Variants in LRRC43 observed in about 807,000 individuals in gnomAD.
The protein encoded by LRRC43 is leucine rich repeat containing 43.
Under a neutral mutation model 64.3 loss-of-function variants are expected in LRRC43, and 62 were observed. The ratio of observed to expected loss-of-function variants is 0.96; its 90% CI spans 0.79 to 1.19. LRRC43 has a LOEUF of 1.19. Among genes scored for constraint, LRRC43 ranks in the 50% most tolerant of loss-of-function variants. The pLI, the probability that LRRC43 is intolerant of heterozygous loss-of-function variation, is 0.00. For missense variants in LRRC43, 868 were observed against 845.0 expected (o/e 1.03, Z -0.34); for synonymous variants, 422 against 382.3 (o/e 1.10, Z -1.21).
chr12:122,170,275 G>C (rs1418480481), intron 1 of LRRC43, among the ~76,000 whole-genome samples: 1 of 152,126 alleles, frequency 6.6e-6, no homozygotes, highest in African/African-American at 2.4e-5. Flanking sequence ...CACCACACTG[G>C]ATATTTTCTG....
chr12:122,193,379 C>G (rs1953742700), intron 7 of LRRC43, among the ~76,000 whole-genome samples: 1 of 44,046 alleles, frequency 2.3e-5, no homozygotes, highest in Non-Finnish European at 3.8e-5. Flanking sequence ...GACTCCGTCT[C>G]ATAAAAAAAA....
At chr12:122,203,271 C>T (rs1280791070) in intron 11 of LRRC43, 44 bp from the exon 12 acceptor site, 2 of 1,597,176 alleles carry the variant, frequency 1.3e-6, no homozygotes, top group East Asian at 4.5e-5. Context: ...GAACGCCAGC[C>T]CATCCGTCTC....
rs758138418 is a variant in LRRC43, at chr12:122,183,190, G to T, written c.46G>T (p.Gly16Trp). 1.3e-6 allele frequency: 2 copies of T among 1,561,600 alleles called. No homozygotes were observed. Among genetic ancestry groups the T allele is most frequent in the South Asian group, 2.3e-5 (2 of 86,276 alleles). The change falls in exon 1 of 12, where the codon GGG (glycine) becomes TGG (tryptophan). Residue 16 changes from glycine (G) to tryptophan (W), a missense_variant. Coordinates refer to ENST00000339777, the MANE Select transcript of LRRC43 (RefSeq NM_001098519.2). Reference sequence around the variant, plus strand: ...CGAGTCCGAGTCCGAGTCTGAGGCCGGGCCTGGGACTCAGCGGCCCGGGAC... The same window carrying T: ...CGAGTCCGAGTCCGAGTCTGAGGCCTGGCCTGGGACTCAGCGGCCCGGGAC... ...ESESESESEA[G>W]PGTQRPGTGT... is the part of the protein sequence containing the mutation.
intron 6 of LRRC43, 66 bp downstream of exon 6, chr12:122,191,633 C>T: frequency 8.2e-7 from 1 of 1,223,626 alleles, no homozygotes; most frequent in Non-Finnish European, 1.1e-6. Flanking sequence ...TTTGTGGGCC[C>T]CAGGAAAATC....
rs145749083 is a variant in LRRC43 at position 122,184,046 on chromosome 12, A to G, written c.151-473A>G. On this transcript the variant is annotated intron_variant, in intron 1 of 11. Transcript: ENST00000339777. This position sits in a 1 kb window ranked among gnomAD's most constrained non-coding sequence, Gnocchi z 4.0. ...TTTGTATCTCACCTCATCTGTAGTT[A>G]TATCCATGGCTAATAATCCATCAAA... Among the ~76,000 whole-genome samples, 16 of 151,642 alleles carry G rather than the reference A, an allele frequency of 1.1e-4. No individual in the cohort carries two copies. The highest frequency in any genetic ancestry group is 2.9e-4 in the African/African-American group (12 of 41,294).
At position 122,192,752 on chromosome 12, in the gene LRRC43, A is replaced by G; in HGVS notation, c.1097A>G (p.Lys366Arg). 6.2e-7 allele frequency: 1 copy of G among 1,613,258 alleles called. No homozygotes were observed. Among genetic ancestry groups the G allele is most frequent in the Non-Finnish European group, 8.5e-7 (1 of 1,179,238 alleles). ...ESAGVLAEIV[K>R]PSPSLELLVE... ...TTCTGTCTCTTCCTGCAGATCGTCAAGCCCTCTCCCAGCTTAGAATTATTA... is the reference window on the plus strand; with the variant it reads ...TTCTGTCTCTTCCTGCAGATCGTCAGGCCCTCTCCCAGCTTAGAATTATTA... Residue 366 changes from lysine (K) to arginine (R), a missense_variant, in exon 7 of 12, where the codon AAG (lysine) becomes AGG (arginine). Lys to Arg is a conservative substitution (Grantham distance 26). Transcript: ENST00000339777.
chr12:122,190,659 T>C (rs978777066), intron 5 of LRRC43, among the ~76,000 whole-genome samples: 2 of 151,958 alleles, frequency 1.3e-5, no homozygotes, highest in African/African-American at 4.8e-5. Context: ...AGTCAGGAGT[T>C]TGAGACCAGC....
rs1242658505 is a variant in LRRC43, at chr12:122,185,873, G to A, written c.412-317G>A. On this transcript the variant is annotated intron_variant, in intron 2 of 11. Coordinates refer to ENST00000339777, the MANE Select transcript of LRRC43 (RefSeq NM_001098519.2). ...ACCTTGACTGACTTCAGTGCCCAGA[G>A]TTCACTGTGGCTCTGGGGTAGACAG... 2.0e-5 allele frequency among the ~76,000 whole-genome samples: 3 copies of A among 152,210 alleles called. 1 individual carries two copies. In the South Asian group the frequency reaches 6.2e-4, roughly 32 times the overall value.
chr12:122,198,375 A>T (rs1253401420), intron 7 of LRRC43, among the ~76,000 whole-genome samples: 1 of 152,086 alleles, frequency 6.6e-6, no homozygotes, highest in Non-Finnish European at 1.5e-5. Context: ...AACCATTACC[A>T]CAGTCTAATT....
chr12:122,191,022 T>A (rs1388673786), intron 5 of LRRC43, among the ~76,000 whole-genome samples: 1 of 152,144 alleles, frequency 6.6e-6, no homozygotes, highest in Non-Finnish European at 1.5e-5. Context: ...GTTATTTCAA[T>A]CAGCTTCTTC....
rs764707578 is a variant in LRRC43, at chr12:122,191,594, A to G, written c.1089+27A>G. 7.6e-6 allele frequency: 12 copies of G among 1,584,662 alleles called. No individual in the cohort carries two copies. In the African/African-American group the frequency reaches 1.5e-4, roughly 20 times the overall value. On this transcript the variant is annotated intron_variant, in intron 6 of 11. Transcript: ENST00000339777. Reference sequence around the variant, plus strand: ...TGTGCCCTGGTCTGTCCCTAGGAGTATGGGGGGCTCTTGTGAAGGCTGAAC... The same window carrying G: ...TGTGCCCTGGTCTGTCCCTAGGAGTGTGGGGGGCTCTTGTGAAGGCTGAAC...
intron 1 of LRRC43, chr12:122,173,894 G>A: frequency 6.2e-7 from 1 of 1,614,094 alleles, no homozygotes; most frequent in Non-Finnish European, 8.5e-7. Context: ...ACTATTTTCT[G>A]TACATCATCA....
chr12:122,196,689 A>G (rs1330588524), intron 7 of LRRC43, among the ~76,000 whole-genome samples: 2 of 152,120 alleles, frequency 1.3e-5, no homozygotes, highest in Non-Finnish European at 2.9e-5. Context: ...GAATCACTGG[A>G]ACCCGGAAGG....
rs61745357 is a variant in LRRC43 at position 122,187,715 on chromosome 12, C to T, written c.537C>T (p.Tyr179=). Residue 179 remains tyrosine (Y), a synonymous_variant, in exon 4 of 12, where the codon TAC becomes TAT. Coordinates refer to ENST00000339777, the MANE Select transcript of LRRC43 (RefSeq NM_001098519.2). ...LPPTLKVLEL[Y]GNEISSMECL... ...TGGTCTCCCAGGTGCTGGAGCTCTA[C>T]GGCAATGAGATCAGCAGCATGGAGT... 1,242 of 1,613,666 alleles carry T rather than the reference C, an allele frequency of 7.7e-4. 1 individual carries two copies. The highest frequency in any genetic ancestry group is 9.3e-4 in the Non-Finnish European group (1,097 of 1,180,014).
rs1239028369 is a variant in LRRC43, at chr12:122,184,163, C to T, written c.151-356C>T. 1.3e-5 allele frequency among the ~76,000 whole-genome samples: 2 copies of T among 150,202 alleles called. No homozygotes were observed. The highest frequency in any genetic ancestry group is 2.5e-5 in the African/African-American group (1 of 40,696). ...AGCCTGGAGTGCAGTGGCGTGATCT[C>T]GGCTCACTGCAACCTCCGCCTCCCG... On this transcript the variant is annotated intron_variant, in intron 1 of 11. Transcript: ENST00000339777. This position sits in a 1 kb window ranked among gnomAD's most constrained non-coding sequence, Gnocchi z 4.0.
upstream of LRRC43, among the ~76,000 whole-genome samples, chr12:122,178,935 G>A (rs7308883): frequency 1 from 152,196 of 152,196 alleles, 76,098 homozygotes; most frequent in Non-Finnish European, 1. Context: ...ATATGGGGAT[G>A]GTGGAGAGGG....
intron 7 of LRRC43, among the ~76,000 whole-genome samples, chr12:122,199,669 G>C (rs1953812239): frequency 6.6e-6 from 1 of 151,098 alleles, no homozygotes; most frequent in Non-Finnish European, 1.5e-5. Flanking sequence ...CTGCAGCCTT[G>C]ACTTCCTGGG....
intron 1 of LRRC43, among the ~76,000 whole-genome samples, chr12:122,174,800 G>C (rs1953522734): frequency 6.6e-6 from 1 of 151,880 alleles, no homozygotes; most frequent in Non-Finnish European, 1.5e-5. Context: ...ACCAGAGACT[G>C]TGATCCAGAG....
At chr12:122,187,636 AG>A in intron 3 of LRRC43, 64 bp from the exon 4 acceptor site, 1 of 1,503,444 alleles carries the variant, frequency 6.7e-7, no homozygotes. Context: ...GACAGAGGGG[AG>A]GGGCCTGATC....
Sources: allele counts gnomAD v4.1 joint callset (sites outside exome capture counted in the v4.1 genomes callset), GRCh38; gene constraint gnomAD v4.1.1; non-coding constraint Gnocchi (gnomAD v3.1); transcripts MANE v1.5; gene names NCBI Gene and HGNC (gene_info 2026-07-23, HGNC 2026-07-21).